The following EIPR1 variants were observed in gnomAD, a reference collection of about 807,000 sequenced individuals.
EIPR1 encodes EARP complex and GARP complex interacting protein 1, also known as EARP and GARP complex-interacting protein 1.
In EIPR1, 25 loss-of-function variants were observed where a neutral mutation model predicts 48.1. That is an observed-to-expected ratio of 0.52 (90% CI 0.38 to 0.73). EIPR1 has a LOEUF of 0.73. Among genes scored for constraint, EIPR1 ranks in the 30% least tolerant of loss-of-function variants. The probability of loss-of-function intolerance (pLI) is 0.00; values close to 1 mark genes in which losing one functional copy is unlikely to be tolerated. For synonymous variants in EIPR1, 204 were observed against 201.9 expected (o/e 1.01, Z -0.09); for missense variants, 415 against 506.2 (o/e 0.82, Z 1.73).
intron 4 of EIPR1, among the ~76,000 whole-genome samples, chr2:3,247,520 A>G (rs1381543150): frequency 6.6e-6 from 1 of 152,104 alleles, no homozygotes; most frequent in Admixed American, 6.5e-5. Flanking sequence ...GAAGATAATT[A>G]CCTCCTTCCT....
chr2:3,355,969 A>C (rs116084844), intron 1 of EIPR1, among the ~76,000 whole-genome samples: 81 of 152,352 alleles, frequency 5.3e-4, no homozygotes, highest in African/African-American at 1.8e-3. Context: ...AGCAAGCTCT[A>C]AAGTTCTAAC....
At chr2:3,194,402 G>C in intron 6 of EIPR1, 2 of 408,898 alleles carry the variant, frequency 4.9e-6, no homozygotes, top group Non-Finnish European at 4.4e-6. Context: ...TGACCCTCTG[G>C]GCGAGCCGTG....
chr2:3,226,534 A>G (rs888784524), intron 4 of EIPR1, among the ~76,000 whole-genome samples: 23 of 152,058 alleles, frequency 1.5e-4, no homozygotes, highest in Non-Finnish European at 4.4e-5. Flanking sequence ...CCCTTATTGG[A>G]TATATGGTTT....
At chr2:3,291,810 C>T (rs1668373489) in intron 3 of EIPR1, among the ~76,000 whole-genome samples, 1 of 152,212 alleles carries the variant, frequency 6.6e-6, no homozygotes, top group African/African-American at 2.4e-5. Context: ...AACCTTAGTG[C>T]CGTTTTCCTG....
chr2:3,362,443 T>C (rs1479927103), intron 1 of EIPR1, among the ~76,000 whole-genome samples: 5 of 152,080 alleles, frequency 3.3e-5, no homozygotes, highest in Non-Finnish European at 5.9e-5. Flanking sequence ...CTTAACCAAT[T>C]TTCCTGACTG....
At chr2:3,319,155 T>G in intron 3 of EIPR1, 1 of 341,678 alleles carries the variant, frequency 2.9e-6, no homozygotes, top group Non-Finnish European at 5.8e-6. Flanking sequence ...ATCTCCATCC[T>G]GCGTGACAAA....
Position 3,312,219 on chromosome 2 carries a change from T to C in EIPR1, c.259+25798A>G, listed in dbSNP as rs1669150578. 6.6e-6 allele frequency among the ~76,000 whole-genome samples: 1 copy of C among 152,168 alleles called. No individual in the cohort carries two copies. The highest frequency in any genetic ancestry group is 6.5e-5 in the Admixed American group (1 of 15,282). On this transcript the variant is annotated intron_variant, in intron 3 of 8. Coordinates refer to ENST00000382125, the MANE Select transcript of EIPR1 (RefSeq NM_003310.5). The surrounding 1 kb of genome is among the most constrained non-coding windows in gnomAD (Gnocchi z 5.5). ...TGACCTGCAGCCACATCAGTCCCCATCTGTCTGCTCTGCCTATGGCCACTG... is the reference window on the plus strand; with the variant it reads ...TGACCTGCAGCCACATCAGTCCCCACCTGTCTGCTCTGCCTATGGCCACTG...
At chr2:3,253,319 T>A (rs1250583585) in intron 4 of EIPR1, among the ~76,000 whole-genome samples, 1 of 152,230 alleles carries the variant, frequency 6.6e-6, no homozygotes, top group African/African-American at 2.4e-5. Context: ...TGATGTCTCA[T>A]GACTCCCTAA....
Position 3,377,788 on chromosome 2 carries a change from A to AT in EIPR1, c.-100dup. The AT allele has an allele frequency of 6.7e-6, 8 of 1,186,920 alleles. No individual in the cohort carries two copies. Among genetic ancestry groups the AT allele is most frequent in the South Asian group, 1.3e-5 (1 of 75,110 alleles). The allele number at this position is 1,186,920 out of a possible 1,614,324, so 73.5% of individuals were successfully genotyped here. ...GCGGGCGTGTTCCCAGCGCCCATTC[A>AT]TTCCCTCCCCGCAGCAAACGACTCC... On this transcript the variant is annotated 5_prime_UTR_variant, in exon 1 of 9. In the 5' UTR this introduces an upstream ATG that the reference lacks. Coordinates refer to ENST00000382125, the MANE Select transcript of EIPR1 (RefSeq NM_003310.5).
chr2:3,375,001 C>G (rs1286766386), intron 1 of EIPR1, among the ~76,000 whole-genome samples: 1 of 142,190 alleles, frequency 7.0e-6, no homozygotes, highest in Non-Finnish European at 1.5e-5. Context: ...CAATGATAGA[C>G]TGGATTAAGA....
chr2:3,263,481 C>CA (rs1667395924), intron 3 of EIPR1, among the ~76,000 whole-genome samples: 1 of 152,166 alleles, frequency 6.6e-6, no homozygotes, highest in South Asian at 2.1e-4. Context: ...GACCACCCCT[C>CA]AACGGCCCCA....
chr2:3,273,192 AAAC>A (rs1273195375), intron 3 of EIPR1, among the ~76,000 whole-genome samples: 1 of 152,240 alleles, frequency 6.6e-6, no homozygotes, highest in Non-Finnish European at 1.5e-5. Context: ...AATTCTGAAA[AAAC>A]AAAATCATGC....
intron 3 of EIPR1, among the ~76,000 whole-genome samples, chr2:3,293,629 C>T (rs745344493): frequency 9.8e-5 from 15 of 152,326 alleles, no homozygotes; most frequent in African/African-American, 2.6e-4. Context: ...TCACTCTGGA[C>T]GCATGTGGTG....
intron 5 of EIPR1, among the ~76,000 whole-genome samples, chr2:3,200,316 C>T (rs1456904616): frequency 6.6e-6 from 1 of 152,172 alleles, no homozygotes; most frequent in African/African-American, 2.4e-5. Flanking sequence ...CCACTTTCAT[C>T]CCCACAACCA....
intron 7 of EIPR1, 149 bp downstream of exon 7, chr2:3,193,850 G>T: frequency 1.3e-6 from 1 of 755,112 alleles, no homozygotes; most frequent in Non-Finnish European, 2.1e-6. Context: ...TTTGGAATTA[G>T]TGTTTCTTTA....
At chr2:3,295,231 C>CTG (rs1668516444) in intron 3 of EIPR1, among the ~76,000 whole-genome samples, 7 of 128,892 alleles carry the variant, frequency 5.4e-5, no homozygotes, top group Non-Finnish European at 8.3e-5. Flanking sequence ...CGTCCTCTCT[C>CTG]CACACATACA....
Position 3,342,234 on chromosome 2 carries a change from TA to T in EIPR1, c.127-4086del, listed in dbSNP as rs79337096. On this transcript the variant is annotated intron_variant, in intron 2 of 8. Transcript: ENST00000382125. ...AATACCAAAAATGTTACAAGAGAAT[TA>T]CATTTTAAAAGCAGGCTATAAAATG... Among the ~76,000 whole-genome samples, 1,509 of 152,318 alleles carry T rather than the reference TA, an allele frequency of 9.9e-3. 166 individuals are homozygous for T. The East Asian group carries it at 0.23, about 23-fold the overall frequency.
At chr2:3,218,204 T>C (rs1291920959) in intron 4 of EIPR1, among the ~76,000 whole-genome samples, 2 of 107,050 alleles carry the variant, frequency 1.9e-5, no homozygotes, top group African/African-American at 7.5e-5. Context: ...GCTCTAGAGC[T>C]TTCACAGTGA....
chr2:3,345,371 TGTGGATCACCTGAGATGGTGAGGTGG>T lies in EIPR1; in HGVS notation c.127-7248_127-7223del, dbSNP rs535279218. Among the ~76,000 whole-genome samples the T allele has an allele frequency of 3.6e-3, 546 of 152,274 alleles. 1 individual carries two copies. The highest frequency in any genetic ancestry group is 5.8e-3 in the Non-Finnish European group (395 of 68,022). On this transcript the variant is annotated intron_variant, in intron 2 of 8. Transcript: ENST00000382125. Reference sequence around the variant, plus strand: ...ACCTATAACCCCAGCACTTTGGGACTGTGGATCACCTGAGATGGTGAGGTGGGTGGATCACCTGAGGTCAGGAGTTC... The same window carrying T: ...ACCTATAACCCCAGCACTTTGGGACTGTGGATCACCTGAGGTCAGGAGTTC...
Sources: gnomAD v4.1 joint callset for allele counts (sites outside exome capture counted in the v4.1 genomes callset) on GRCh38, gnomAD v4.1.1 for gene constraint, Gnocchi (gnomAD v3.1) non-coding constraint, MANE v1.5 for transcripts, NCBI Gene and HGNC (gene_info 2026-07-23, HGNC 2026-07-21) for gene names.